The following PLCXD3 variants were observed in gnomAD, a reference collection of about 807,000 sequenced individuals.
The protein encoded by PLCXD3 is phosphatidylinositol specific phospholipase C X domain containing 3.
PLCXD3 carries 19 observed loss-of-function variants against 25.5 expected under a neutral mutation model. That is an observed-to-expected ratio of 0.75 (90% CI 0.52 to 1.09). The LOEUF (loss-of-function observed/expected upper bound fraction) is 1.09. Among genes scored for constraint, PLCXD3 ranks in the 50% least tolerant of loss-of-function variants. The pLI is 0.00. For missense variants in PLCXD3, 411 were observed against 388.1 expected (o/e 1.06, Z -0.50); for synonymous variants, 174 against 137.6 (o/e 1.26, Z -1.85).
intron 1 of PLCXD3, among the ~76,000 whole-genome samples, chr5:41,448,877 C>T (rs1747564815): frequency 6.6e-6 from 1 of 152,148 alleles, no homozygotes; most frequent in South Asian, 2.1e-4. Context: ...TAACCTTGGT[C>T]CAATACATGT....
At chr5:41,317,426 A>G (rs1033014544) in intron 2 of PLCXD3, among the ~76,000 whole-genome samples, 13 of 152,268 alleles carry the variant, frequency 8.5e-5, no homozygotes, top group Admixed American at 6.5e-4. Flanking sequence ...AGACTAGAAT[A>G]AATGCCTAAC....
chr5:41,475,430 A>C (rs1748259074), intron 1 of PLCXD3, among the ~76,000 whole-genome samples: 1 of 152,100 alleles, frequency 6.6e-6, no homozygotes, highest in African/African-American at 2.4e-5. Context: ...AGTCTCTGCT[A>C]GTCTTTATCT....
At chr5:41,417,861 G>A (rs1352837542) in intron 1 of PLCXD3, among the ~76,000 whole-genome samples, 5 of 152,208 alleles carry the variant, frequency 3.3e-5, no homozygotes, top group African/African-American at 1.2e-4. Context: ...ATGTTGGACT[G>A]GCCAAGCTGA....
chr5:41,410,208 C>T (rs77111542), intron 1 of PLCXD3, among the ~76,000 whole-genome samples: 16,107 of 150,058 alleles, frequency 0.11, 1,052 homozygotes, highest in Admixed American at 0.17. Context: ...GGCGTGATCT[C>T]GGCTCACTGC....
intron 1 of PLCXD3, among the ~76,000 whole-genome samples, chr5:41,456,150 G>A (rs927803164): frequency 4.0e-5 from 6 of 151,824 alleles, no homozygotes; most frequent in Non-Finnish European, 8.8e-5. Flanking sequence ...GTCAGAGTAA[G>A]CATCATAATG....
At chr5:41,346,533 T>C (rs1178443950) in intron 2 of PLCXD3, among the ~76,000 whole-genome samples, 1 of 152,164 alleles carries the variant, frequency 6.6e-6, no homozygotes, top group Non-Finnish European at 1.5e-5. Context: ...CTTTCGCCTT[T>C]ACTGTCTCTA....
intron 2 of PLCXD3, among the ~76,000 whole-genome samples, chr5:41,376,998 G>A (rs751190246): frequency 6.6e-6 from 1 of 152,114 alleles, no homozygotes; most frequent in Non-Finnish European, 1.5e-5. Flanking sequence ...CAGGGAGATA[G>A]CATGATGTAA....
intron 1 of PLCXD3, among the ~76,000 whole-genome samples, chr5:41,467,601 G>A (rs892874569): frequency 6.6e-6 from 1 of 152,006 alleles, no homozygotes; most frequent in East Asian, 1.9e-4. Context: ...CTATGCTTTT[G>A]GGGTCATATT....
chr5:41,474,467 A>G (rs1748236766), intron 1 of PLCXD3, among the ~76,000 whole-genome samples: 1 of 152,170 alleles, frequency 6.6e-6, no homozygotes, highest in African/African-American at 2.4e-5. Context: ...TCATTCTTTC[A>G]GCCTCTAACA....
chr5:41,424,841 T>TG (rs1033975344), intron 1 of PLCXD3, among the ~76,000 whole-genome samples: 2 of 152,236 alleles, frequency 1.3e-5, no homozygotes, highest in Non-Finnish European at 2.9e-5. Flanking sequence ...TGTCTTGATT[T>TG]GGGGAAGCAG....
At chr5:41,455,731 G>A (rs918945921) in intron 1 of PLCXD3, among the ~76,000 whole-genome samples, 1 of 151,942 alleles carries the variant, frequency 6.6e-6, no homozygotes, top group Non-Finnish European at 1.5e-5. Flanking sequence ...TACACTGCCT[G>A]TCCTTAAAGA....
chr5:41,457,039 CA>C (rs1368776674), intron 1 of PLCXD3, among the ~76,000 whole-genome samples: 1 of 151,894 alleles, frequency 6.6e-6, no homozygotes, highest in African/African-American at 2.4e-5. Context: ...CATACATACC[CA>C]ACCCATATGA....
intron 1 of PLCXD3, among the ~76,000 whole-genome samples, chr5:41,457,273 G>A (rs558051647): frequency 6.6e-6 from 1 of 151,840 alleles, no homozygotes; most frequent in African/African-American, 2.4e-5. Context: ...AGAACCCTCT[G>A]TTTTATTTTT....
chr5:41,343,641 A>G (rs1744221750), intron 2 of PLCXD3, among the ~76,000 whole-genome samples: 2 of 152,120 alleles, frequency 1.3e-5, no homozygotes, highest in Non-Finnish European at 2.9e-5. Flanking sequence ...TTAAAATCAT[A>G]ACAGTGTCTA....
chr5:41,505,440 A>T (rs1008541441), intron 1 of PLCXD3, among the ~76,000 whole-genome samples: 1 of 152,160 alleles, frequency 6.6e-6, no homozygotes, highest in Non-Finnish European at 1.5e-5. Flanking sequence ...GATGCTTTTG[A>T]TGGCTTTCTG....
intron 1 of PLCXD3, among the ~76,000 whole-genome samples, chr5:41,391,414 A>C (rs756748214): frequency 6.6e-6 from 1 of 152,120 alleles, no homozygotes; most frequent in Non-Finnish European, 1.5e-5. Flanking sequence ...TGAGGTCCCC[A>C]TTTCAGCTCT....
intron 2 of PLCXD3, 104 bp from the exon 3 acceptor site, chr5:41,313,874 G>A: frequency 7.5e-7 from 1 of 1,331,352 alleles, no homozygotes; most frequent in Non-Finnish European, 1.0e-6. Flanking sequence ...TAAAATAAAT[G>A]TTTCACGTAT....
At chr5:41,350,477 T>A (rs1400347468) in intron 2 of PLCXD3, among the ~76,000 whole-genome samples, 1 of 152,204 alleles carries the variant, frequency 6.6e-6, no homozygotes, top group Non-Finnish European at 1.5e-5. Flanking sequence ...AAGAGTATAC[T>A]ATGAATTTTC....
intron 1 of PLCXD3, among the ~76,000 whole-genome samples, chr5:41,411,196 C>T (rs1041300917): frequency 6.6e-6 from 1 of 152,150 alleles, no homozygotes; most frequent in Non-Finnish European, 1.5e-5. Flanking sequence ...GCCTCTGAAG[C>T]CTATTTACCT....
Sources: gnomAD v4.1 joint callset for allele counts (sites outside exome capture counted in the v4.1 genomes callset) on GRCh38, gnomAD v4.1.1 for gene constraint, MANE v1.5 for transcripts, NCBI Gene and HGNC (gene_info 2026-07-23, HGNC 2026-07-21) for gene names.